The following FERRY3 variants were observed in gnomAD, a reference collection of about 807,000 sequenced individuals.
The protein encoded by FERRY3 is FERRY endosomal RAB5 effector complex subunit 3.
chr12:4,497,247 C>A, the FERRY3 span, among the ~76,000 whole-genome samples: 1 of 152,140 alleles, frequency 6.6e-6, no homozygotes, highest in Admixed American at 6.5e-5. Context: ...ATAGATCTCA[C>A]AAACATAATA....
chr12:4,508,086 A>G, the FERRY3 span, among the ~76,000 whole-genome samples: 1 of 152,240 alleles, frequency 6.6e-6, no homozygotes, highest in South Asian at 2.1e-4. Flanking sequence ...AAGAAACTGC[A>G]GTGAACCCTA....
chr12:4,511,596 C>T, the FERRY3 span, among the ~76,000 whole-genome samples: 6 of 149,024 alleles, frequency 4.0e-5, no homozygotes, highest in East Asian at 2.0e-4. Flanking sequence ...CACTCAAAGC[C>T]GCTCAACTAC....
At chr12:4,496,570 T>G in the FERRY3 span, among the ~76,000 whole-genome samples, 3 of 151,808 alleles carry the variant, frequency 2.0e-5, no homozygotes, top group African/African-American at 7.3e-5. Flanking sequence ...CTGTCACACT[T>G]TAGATGACAT....
chr12:4,521,655 C>T, the FERRY3 span, among the ~76,000 whole-genome samples: 2 of 152,162 alleles, frequency 1.3e-5, no homozygotes, highest in Admixed American at 1.3e-4. Context: ...TTACAATGCC[C>T]CCATTAACCT....
chr12:4,525,576 T>A, the FERRY3 span: 1 of 1,608,128 alleles, frequency 6.2e-7, no homozygotes, highest in African/African-American at 1.3e-5. Flanking sequence ...TCCATTTCAA[T>A]ACCTTGTCTA....
the FERRY3 span, chr12:4,534,263 G>T: frequency 1.6e-5 from 26 of 1,611,688 alleles, no homozygotes; most frequent in Non-Finnish European, 2.1e-5. Context: ...ATCGCTGAGG[G>T]ATTCTTCTTC....
the FERRY3 span, among the ~76,000 whole-genome samples, chr12:4,536,688 G>C: frequency 1.3e-5 from 2 of 152,130 alleles, no homozygotes; most frequent in Admixed American, 1.3e-4. Flanking sequence ...GAAAGTGTTA[G>C]AAAGATTTCC....
chr12:4,495,257 CTATTG>C, the FERRY3 span, among the ~76,000 whole-genome samples: 1 of 152,148 alleles, frequency 6.6e-6, no homozygotes, highest in Non-Finnish European at 1.5e-5. Flanking sequence ...GGAATAAATA[CTATTG>C]TATAACTATT....
chr12:4,525,114 TA>T, the FERRY3 span: 1 of 1,066,170 alleles, frequency 9.4e-7, no homozygotes, highest in Non-Finnish European at 1.3e-6. Context: ...CAAAAGGTGG[TA>T]AAAGCACAGC....
chr12:4,528,896 TACACACACACACACACACAC>T, the FERRY3 span, among the ~76,000 whole-genome samples: 32 of 131,614 alleles, frequency 2.4e-4, no homozygotes, highest in Non-Finnish European at 3.9e-4. Flanking sequence ...TTAAATCAGT[TACACACACACACACACACAC>T]ACACACACAC....
the FERRY3 span, among the ~76,000 whole-genome samples, chr12:4,504,404 C>G: frequency 6.6e-6 from 1 of 151,960 alleles, no homozygotes; most frequent in Non-Finnish European, 1.5e-5. Context: ...GATACAAACA[C>G]TAAGGGTCAT....
chr12:4,491,187 C>T, the FERRY3 span: 2 of 1,613,324 alleles, frequency 1.2e-6, no homozygotes, highest in Non-Finnish European at 1.7e-6. Flanking sequence ...CTTTGACACA[C>T]TTGAACACAA....
At chr12:4,528,651 T>A in the FERRY3 span, among the ~76,000 whole-genome samples, 2 of 152,106 alleles carry the variant, frequency 1.3e-5, no homozygotes, top group African/African-American at 4.8e-5. Context: ...TTATGAAAAT[T>A]TACAAATCTA....
chr12:4,517,833 T>C, the FERRY3 span, among the ~76,000 whole-genome samples: 1 of 151,896 alleles, frequency 6.6e-6, no homozygotes, highest in Non-Finnish European at 1.5e-5. Context: ...ATGAGAATTC[T>C]ATAAAAACAT....
At chr12:4,517,211 C>G in the FERRY3 span, 3 of 1,515,572 alleles carry the variant, frequency 2.0e-6, no homozygotes, top group African/African-American at 4.2e-5. Context: ...AAAACATTTA[C>G]AAACTTCTAA....
At chr12:4,525,335 G>A in the FERRY3 span, 25 of 1,613,454 alleles carry the variant, frequency 1.5e-5, no homozygotes, top group Non-Finnish European at 2.1e-5. Flanking sequence ...TTGGATGGCA[G>A]TTGATTGTTT....
At chr12:4,498,798 G>C in the FERRY3 span, among the ~76,000 whole-genome samples, 1 of 152,144 alleles carries the variant, frequency 6.6e-6, no homozygotes, top group Non-Finnish European at 1.5e-5. Flanking sequence ...CAGATCATCA[G>C]GCATTAGATT....
the FERRY3 span, among the ~76,000 whole-genome samples, chr12:4,516,473 A>T: frequency 6.6e-6 from 1 of 152,256 alleles, no homozygotes; most frequent in Non-Finnish European, 1.5e-5. Flanking sequence ...CTGAATGCCC[A>T]TCAATGATAG....
At chr12:4,502,326 T>G in the FERRY3 span, 1 of 416,898 alleles carries the variant, frequency 2.4e-6, no homozygotes, top group Admixed American at 3.0e-5. This position sits in a 1 kb window ranked among gnomAD's most constrained non-coding sequence, Gnocchi z 4.2. Flanking sequence ...ACGTAGAAGG[T>G]ACTCGATAAG....
Sources: gnomAD v4.1 joint callset for allele counts (sites outside exome capture counted in the v4.1 genomes callset) on GRCh38, gnomAD v4.1.1 for gene constraint, Gnocchi (gnomAD v3.1) non-coding constraint, MANE v1.5 for transcripts, NCBI Gene and HGNC (gene_info 2026-07-23, HGNC 2026-07-21) for gene names.